The following ENDOD1 variants were observed in gnomAD, a reference collection of about 807,000 sequenced individuals.
ENDOD1 encodes the protein endonuclease domain-containing 1 protein.
ENDOD1 carries 9 observed loss-of-function variants against 6.5 expected under a neutral mutation model. The ratio of observed to expected loss-of-function variants is 1.39; its 90% CI spans 0.84 to 2.43. ENDOD1 has a LOEUF of 2.43. ENDOD1 is among the 30% of genes most tolerant of loss of function. ENDOD1 has a pLI of 0.00. For synonymous variants in ENDOD1, 255 were observed against 255.2 expected, an observed-to-expected ratio of 1.00 and a Z score of 0.01; for missense variants, 648 against 635.5, an observed-to-expected ratio of 1.02 and a Z score of -0.21.
rs1565450078 is a variant in ENDOD1 at position 95,128,973 on chromosome 11, A to G, written c.897A>G (p.Gln299=). The change falls in exon 2 of 2, where the codon CAA becomes CAG. Residue 299 remains glutamine (Q), a synonymous_variant. Transcript: ENST00000278505. ...ATGAAGAACGAATGGTACAATCTCA[A>G]AAGAGTTCTAGTCCCCTTTCTAGCA... is the stretch of plus-strand genomic sequence containing the variant. ...IQDEERMVQS[Q]KSSSPLSSTR... is the part of the protein sequence containing the mutation. The G allele has an allele frequency of 2.5e-6, 4 of 1,613,926 alleles. No homozygotes were observed. Among genetic ancestry groups the G allele is most frequent in the East Asian group, 2.2e-5 (1 of 44,894 alleles).
At position 95,129,625 on chromosome 11, in the gene ENDOD1, G is replaced by C. The variant is rs745342356; in HGVS notation, c.*46G>C. On this transcript the variant is annotated 3_prime_UTR_variant, in exon 2 of 2. Transcript: ENST00000278505. ...CCAGTCACAGTGAATTTGAAAGCTGGAATAGTTTGTCTTTACAATGGGTTT... is the reference window on the plus strand; with the variant it reads ...CCAGTCACAGTGAATTTGAAAGCTGCAATAGTTTGTCTTTACAATGGGTTT... The C allele has an allele frequency of 4.6e-5, 72 of 1,559,116 alleles. 1 individual carries two copies. In the Admixed American group the frequency reaches 1.3e-3, roughly 29 times the overall value.
Position 95,111,697 on chromosome 11 carries a change from A to G in ENDOD1, c.301-16680A>G, listed in dbSNP as rs969774218. Among the ~76,000 whole-genome samples, 3 of 152,160 alleles carry G rather than the reference A, an allele frequency of 2.0e-5. No individual in the cohort carries two copies. In the South Asian group the frequency reaches 6.2e-4, roughly 32 times the overall value. On this transcript the variant is annotated intron_variant, in intron 1 of 1. Coordinates refer to ENST00000278505, the MANE Select transcript of ENDOD1 (RefSeq NM_015036.3). ...GAGCTTAGACGGTGATGCAAGTGTT[A>G]GGGAATGGCTGTAAATATAGATGAA...
At position 95,129,667 on chromosome 11, in the gene ENDOD1, A is replaced by G; in HGVS notation, c.*88A>G. On this transcript the variant is annotated 3_prime_UTR_variant, in exon 2 of 2. Transcript: ENST00000278505. ...AATGGGTTTCTGTTCACTGTCAGTT[A>G]TCATTATATTTTGGCCTTTGGTGGG... The G allele has an allele frequency of 6.9e-7, 1 of 1,453,880 alleles. No homozygotes were observed. The allele number at this position is 1,453,880 out of a possible 1,614,324, so 90.1% of individuals were successfully genotyped here. A position where few individuals can be genotyped will look rare whatever the true frequency, so the allele number is the denominator to read the frequency against.
intron 1 of ENDOD1, among the ~76,000 whole-genome samples, chr11:95,117,110 A>G (rs1197234921): frequency 6.6e-6 from 1 of 152,204 alleles, no homozygotes; most frequent in Non-Finnish European, 1.5e-5. Context: ...CTTTAGCTCT[A>G]ATAATATTTG....
chr11:95,090,242 T>C lies in ENDOD1; in HGVS notation c.300+15T>C. 1 of 1,365,812 alleles carries C rather than the reference T, an allele frequency of 7.3e-7. No individual in the cohort carries two copies. The highest frequency in any genetic ancestry group is 9.5e-7 in the Non-Finnish European group (1 of 1,054,934). 84.6% of individuals were successfully genotyped at this position (1,365,812 alleles called of 1,614,324 possible). On this transcript the variant is annotated intron_variant, in intron 1 of 1. Transcript: ENST00000278505. ...TGGAGCCGCAGGTAAGCGAAGTGGT[T>C]CCCGAGCCGGGCTGCGGGCGCCGGA...
chr11:95,120,456 C>A (rs1016542448), intron 1 of ENDOD1, among the ~76,000 whole-genome samples: 1 of 152,152 alleles, frequency 6.6e-6, no homozygotes, highest in African/African-American at 2.4e-5. Context: ...CTAGAAATGT[C>A]ATCCAGGGGC....
At chr11:95,125,651 T>G (rs1005943807) in intron 1 of ENDOD1, among the ~76,000 whole-genome samples, 1 of 143,864 alleles carries the variant, frequency 7.0e-6, no homozygotes, top group East Asian at 2.3e-4. Flanking sequence ...TGTCCATGTG[T>G]TCTCATTGTT....
chr11:95,089,978 G>A lies in ENDOD1; in HGVS notation c.51G>A (p.Gly17=). The A allele has an allele frequency of 1.3e-6, 2 of 1,546,656 alleles. No homozygotes were observed. Among genetic ancestry groups the A allele is most frequent in the African/African-American group, 1.4e-5 (1 of 70,962 alleles). ...LALGSLFALA[G]LLEGRLVGEE... ...TGGGCAGCCTCTTCGCCCTGGCTGG[G>A]CTGCTGGAAGGCCGGCTCGTGGGCG... is the stretch of plus-strand genomic sequence containing the variant. Residue 17 remains glycine, a synonymous_variant, in exon 1 of 2, where the codon GGG becomes GGA. Coordinates refer to ENST00000278505, the MANE Select transcript of ENDOD1 (RefSeq NM_015036.3).
rs555838868 is a variant in ENDOD1, at chr11:95,129,561, C to T, written c.1485C>T (p.Asp495=). Reference sequence around the variant, plus strand: ...GGATTGGCTACAAGGTTACTTTTGACAATTCTGGGGAGTTATAAACTCAAA... The same window carrying T: ...GGATTGGCTACAAGGTTACTTTTGATAATTCTGGGGAGTTATAAACTCAAA... ...CKRIGYKVTF[D]NSGEL Residue 495 remains aspartate (D), a synonymous_variant, in exon 2 of 2, where the codon GAC becomes GAT. Transcript: ENST00000278505. 6 of 1,612,888 alleles carry T rather than the reference C, an allele frequency of 3.7e-6. No homozygotes were observed. Among genetic ancestry groups the T allele is most frequent in the East Asian group, 4.5e-5 (2 of 44,874 alleles).
chr11:95,101,405 G>A (rs1419461721), intron 1 of ENDOD1, among the ~76,000 whole-genome samples: 1 of 151,924 alleles, frequency 6.6e-6, no homozygotes, highest in Non-Finnish European at 1.5e-5. Context: ...TAAAATGTGC[G>A]AACTGTGCAA....
intron 1 of ENDOD1, among the ~76,000 whole-genome samples, chr11:95,100,500 A>T (rs145334500): frequency 6.6e-6 from 1 of 151,710 alleles, no homozygotes; most frequent in East Asian, 1.9e-4. Context: ...TATTATTATT[A>T]TTTTTTGAGA....
At position 95,127,724 on chromosome 11, in the gene ENDOD1, A is replaced by G. The variant is rs193097792; in HGVS notation, c.301-653A>G. On this transcript the variant is annotated intron_variant, in intron 1 of 1. Transcript: ENST00000278505. ...ATTACTTTGAAGCTCATGCAAAAGT[A>G]TTCCAAAAAAGAATTATGAAGTTCA... Among the ~76,000 whole-genome samples, 447 of 152,022 alleles carry G rather than the reference A, an allele frequency of 2.9e-3. 3 individuals are homozygous for G. Among genetic ancestry groups the G allele is most frequent in the African/African-American group, 0.01 (419 of 41,460 alleles).
rs532353114 is a variant in ENDOD1, at chr11:95,101,730, C to A, written c.300+11503C>A. 2.0e-5 allele frequency among the ~76,000 whole-genome samples: 3 copies of A among 152,288 alleles called. No individual in the cohort carries two copies. In the South Asian group the frequency reaches 6.2e-4, roughly 32 times the overall value. On this transcript the variant is annotated intron_variant, in intron 1 of 1. Transcript: ENST00000278505. Reference sequence around the variant, plus strand: ...TTCTAGTTCCCAAGGTTCAGCATTTCTTTGAACTCTATGAGGCCACATCTA... The same window carrying A: ...TTCTAGTTCCCAAGGTTCAGCATTTATTTGAACTCTATGAGGCCACATCTA...
rs1859372085 is a variant in ENDOD1 at position 95,131,603 on chromosome 11, TCAAA to T, written c.*2027_*2030del. 1 of 152,218 alleles carries T rather than the reference TCAAA, an allele frequency of 6.6e-6. No homozygotes were observed. Among genetic ancestry groups the T allele is most frequent in the South Asian group, 2.1e-4 (1 of 4,834 alleles). The allele number at this position is 152,218 out of a possible 1,614,324, so 9.4% of individuals were successfully genotyped here. On this transcript the variant is annotated 3_prime_UTR_variant, in exon 2 of 2. Coordinates refer to ENST00000278505, the MANE Select transcript of ENDOD1 (RefSeq NM_015036.3). ...GACCATGGCAAGATTTCCTCATTCATCAAACAGACTCCAGGCCCTGACAAAGCAG... is the reference window on the plus strand; with the variant it reads ...GACCATGGCAAGATTTCCTCATTCATCAGACTCCAGGCCCTGACAAAGCAG...
intron 1 of ENDOD1, among the ~76,000 whole-genome samples, chr11:95,117,917 G>A (rs113439104): frequency 4.8e-4 from 73 of 152,002 alleles, no homozygotes; most frequent in African/African-American, 1.7e-3. Flanking sequence ...TATTTTTGGT[G>A]TATCTGCTGT....
chr11:95,100,579 C>T (rs1565444203), intron 1 of ENDOD1, among the ~76,000 whole-genome samples: 1 of 152,112 alleles, frequency 6.6e-6, no homozygotes, highest in Non-Finnish European at 1.5e-5. Context: ...GCCTCTGCCT[C>T]CTGGGCTCAA....
rs1341552628 is a variant in ENDOD1 at position 95,131,786 on chromosome 11, T to C, written c.*2207T>C. On this transcript the variant is annotated 3_prime_UTR_variant, in exon 2 of 2. Coordinates refer to ENST00000278505, the MANE Select transcript of ENDOD1 (RefSeq NM_015036.3). ...CGGCAGCTTGAGCCCCTTAGCACCA[T>C]GTAAGGAGCACAGCATCCAAACGGC... The C allele has an allele frequency of 2.6e-5, 4 of 152,252 alleles. No individual in the cohort carries two copies. The highest frequency in any genetic ancestry group is 4.8e-5 in the African/African-American group (2 of 41,470). 9.4% of individuals were successfully genotyped at this position (152,252 alleles called of 1,614,324 possible). A position where few individuals can be genotyped will look rare whatever the true frequency, so the allele number is the denominator to read the frequency against.
At chr11:95,104,864 A>G (rs763529204) in intron 1 of ENDOD1, among the ~76,000 whole-genome samples, 50 of 151,280 alleles carry the variant, frequency 3.3e-4, no homozygotes, top group Non-Finnish European at 6.0e-4. Context: ...CTGGCTGCCA[A>G]CCCCAAAGTG....
At position 95,129,364 on chromosome 11, in the gene ENDOD1, C is replaced by T. The variant is rs772566582; in HGVS notation, c.1288C>T (p.Pro430Ser). The T allele has an allele frequency of 3.7e-6, 6 of 1,614,042 alleles. No individual in the cohort carries two copies. The highest frequency in any genetic ancestry group is 5.1e-6 in the Non-Finnish European group (6 of 1,180,038). Residue 430 changes from proline to serine, a missense_variant, in exon 2 of 2, where the codon CCT (proline) becomes TCT (serine). By Grantham distance (74) the Pro-to-Ser change is moderately conservative. Transcript: ENST00000278505. Reference protein sequence around the residue: ...LKAICRVLSIPVRVLVDVATF... With the variant: ...LKAICRVLSISVRVLVDVATF... Reference sequence around the variant, plus strand: ...GGCCATTTGCCGAGTTCTGAGCATCCCTGTCCGTGTCCTTGTGGATGTGGC... The same window carrying T: ...GGCCATTTGCCGAGTTCTGAGCATCTCTGTCCGTGTCCTTGTGGATGTGGC...
Sources: allele counts gnomAD v4.1 joint callset (sites outside exome capture counted in the v4.1 genomes callset), GRCh38; gene constraint gnomAD v4.1.1; transcripts MANE v1.5; gene names NCBI Gene and HGNC (gene_info 2026-07-23, HGNC 2026-07-21).